Variants in ZFPM2 observed in about 807,000 individuals in gnomAD.
The protein encoded by ZFPM2 is zinc finger protein ZFPM2.
A neutral mutation model predicts 98.6 loss-of-function variants in ZFPM2; 20 were observed. The observed-to-expected ratio is 0.20, with a 90% CI of 0.14 to 0.29. The LOEUF is 0.29. Among genes scored for constraint, ZFPM2 ranks in the 10% least tolerant of loss-of-function variants. The probability of loss-of-function intolerance (pLI) is 1.00; values close to 1 mark genes in which losing one functional copy is unlikely to be tolerated. For missense variants in ZFPM2, 1,310 were observed against 1,388.6 expected, an observed-to-expected ratio of 0.94 and a Z score of 0.90; for synonymous variants, 518 against 502.7, an observed-to-expected ratio of 1.03 and a Z score of -0.41.
chr8:105,463,648 T>G (rs1812743502), intron 3 of ZFPM2, among the ~76,000 whole-genome samples: 1 of 152,080 alleles, frequency 6.6e-6, no homozygotes, highest in Non-Finnish European at 1.5e-5. Context: ...GGGTTCTTCA[T>G]GTGTGGGTGA....
chr8:105,466,921 A>C (rs1450145272), intron 3 of ZFPM2, among the ~76,000 whole-genome samples: 4 of 152,064 alleles, frequency 2.6e-5, no homozygotes, highest in Non-Finnish European at 4.4e-5. Context: ...ACTAGTTTCA[A>C]GTCCTGTTTC....
chr8:105,330,554 A>ATG (rs1812196313), intron 1 of ZFPM2, among the ~76,000 whole-genome samples: 1 of 29,862 alleles, frequency 3.3e-5, no homozygotes, highest in South Asian at 1.4e-3. Flanking sequence ...ATATATATAC[A>ATG]TATATATATA....
At chr8:105,399,754 T>C (rs1247354133) in intron 1 of ZFPM2, among the ~76,000 whole-genome samples, 1 of 152,128 alleles carries the variant, frequency 6.6e-6, no homozygotes, top group East Asian at 1.9e-4. Context: ...CTAACTATAT[T>C]TAGATTTGTG....
intron 1 of ZFPM2, among the ~76,000 whole-genome samples, chr8:105,320,256 T>TTTTG (rs1396164335): frequency 7.0e-6 from 1 of 142,262 alleles, no homozygotes; most frequent in Admixed American, 7.0e-5. Context: ...ATTCAGATCT[T>TTTTG]TGTGTGTGTG....
intron 3 of ZFPM2, among the ~76,000 whole-genome samples, chr8:105,536,207 G>A (rs565995404): frequency 6.6e-6 from 1 of 152,128 alleles, no homozygotes; most frequent in East Asian, 1.9e-4. Flanking sequence ...GGGTCATATT[G>A]GGAATATTGC....
At position 105,565,608 on chromosome 8, in the gene ZFPM2, C is replaced by T. The variant is rs114091544; in HGVS notation, c.420+4127C>T. On this transcript the variant is annotated intron_variant, in intron 4 of 7. Transcript: ENST00000407775. ...CATGCTCCAGTCTTAGAAATGTTTT[C>T]TGTGATGTGGTAATAATAATACTGC... Among the ~76,000 whole-genome samples, 1,452 of 152,170 alleles carry T rather than the reference C, an allele frequency of 9.5e-3. 24 individuals are homozygous for T. Among genetic ancestry groups the T allele is most frequent in the African/African-American group, 0.034 (1,397 of 41,510 alleles).
At chr8:105,623,671 G>A (rs1315293890) in intron 4 of ZFPM2, among the ~76,000 whole-genome samples, 4 of 152,114 alleles carry the variant, frequency 2.6e-5, no homozygotes, top group Admixed American at 6.5e-5. Context: ...TTTGTGCAGG[G>A]TAGTGTTTTC....
intron 3 of ZFPM2, among the ~76,000 whole-genome samples, chr8:105,553,775 T>C (rs1167765543): frequency 1.3e-5 from 2 of 152,220 alleles, no homozygotes; most frequent in East Asian, 3.9e-4. Context: ...TAGAGTTACA[T>C]ATGGCTAAGA....
At chr8:105,418,339 C>CAGAAATTCACTAA (rs1811720916) in intron 1 of ZFPM2, among the ~76,000 whole-genome samples, 2 of 152,214 alleles carry the variant, frequency 1.3e-5, no homozygotes, top group South Asian at 4.1e-4. Flanking sequence ...TAGAGGCAGT[C>CAGAAATTCACTAA]AGAAATTCAC....
intron 5 of ZFPM2, among the ~76,000 whole-genome samples, chr8:105,651,708 T>A (rs1817182178): frequency 6.6e-6 from 1 of 151,000 alleles, no homozygotes; most frequent in Non-Finnish European, 1.5e-5. Context: ...AACAATTCAA[T>A]TTTTCACCTC....
intron 5 of ZFPM2, among the ~76,000 whole-genome samples, chr8:105,665,175 A>G (rs961877281): frequency 6.6e-6 from 1 of 152,030 alleles, no homozygotes; most frequent in African/African-American, 2.4e-5. Context: ...TTTTATAACA[A>G]TCCACTCTCA....
At chr8:105,725,644 G>T (rs1372017953) in intron 5 of ZFPM2, among the ~76,000 whole-genome samples, 1 of 151,680 alleles carries the variant, frequency 6.6e-6, no homozygotes, top group African/African-American at 2.4e-5. Flanking sequence ...CTAATTTTCT[G>T]TTTAAATCTC....
intron 3 of ZFPM2, among the ~76,000 whole-genome samples, chr8:105,508,067 A>G (rs564138729): frequency 2.0e-5 from 3 of 152,340 alleles, no homozygotes; most frequent in Non-Finnish European, 2.9e-5. Flanking sequence ...AAGCTGCAGG[A>G]TTCCAGATGC....
At chr8:105,424,579 A>G (rs1404603831) in intron 2 of ZFPM2, among the ~76,000 whole-genome samples, 1 of 152,026 alleles carries the variant, frequency 6.6e-6, no homozygotes, top group Non-Finnish European at 1.5e-5. Context: ...ATTCTTTAAC[A>G]TAAAAAATGT....
intron 5 of ZFPM2, among the ~76,000 whole-genome samples, chr8:105,734,693 A>G (rs1812027899): frequency 1.3e-5 from 2 of 151,954 alleles, no homozygotes; most frequent in Non-Finnish European, 2.9e-5. Context: ...GCTTAACACC[A>G]TCAGCAATTC....
At chr8:105,539,702 A>G (rs1172992212) in intron 3 of ZFPM2, among the ~76,000 whole-genome samples, 10 of 152,170 alleles carry the variant, frequency 6.6e-5, no homozygotes, top group Admixed American at 5.9e-4. Flanking sequence ...CAAAGTTATA[A>G]TTATATTGGT....
intron 1 of ZFPM2, among the ~76,000 whole-genome samples, chr8:105,335,296 C>A (rs1308896876): frequency 6.6e-6 from 1 of 151,610 alleles, no homozygotes; most frequent in Non-Finnish European, 1.5e-5. Context: ...TATTATAGGA[C>A]CATAAGGTCA....
chr8:105,324,038 G>A (rs1241707604), intron 1 of ZFPM2, among the ~76,000 whole-genome samples: 2 of 151,774 alleles, frequency 1.3e-5, no homozygotes, highest in East Asian at 3.9e-4. Context: ...CTTAAGAATA[G>A]TAAAATTGCA....
At chr8:105,462,010 A>T (rs1812712517) in intron 3 of ZFPM2, among the ~76,000 whole-genome samples, 5 of 152,126 alleles carry the variant, frequency 3.3e-5, no homozygotes. Flanking sequence ...TCCCCTACCT[A>T]ATTGGAGTTC....
Sources: allele counts gnomAD v4.1 joint callset (sites outside exome capture counted in the v4.1 genomes callset), GRCh38; gene constraint gnomAD v4.1.1; transcripts MANE v1.5; gene names NCBI Gene and HGNC (gene_info 2026-07-23, HGNC 2026-07-21).